The following HERC5 variants were observed in gnomAD, a reference collection of about 807,000 sequenced individuals.
HERC5 encodes E3 ISG15--protein ligase HERC5.
A neutral mutation model predicts 119.6 loss-of-function variants in HERC5; 99 were observed. The ratio of observed to expected loss-of-function variants is 0.83; its 90% confidence interval spans 0.70 to 0.98. The LOEUF (loss-of-function observed/expected upper bound fraction) is 0.98. Among genes scored for constraint, HERC5 ranks in the 50% least tolerant of loss-of-function variants. The pLI is 0.00. For missense variants in HERC5, 1,267 were observed against 1,241.3 expected (o/e 1.02, Z -0.31); for synonymous variants, 478 against 445.9 (o/e 1.07, Z -0.91).
chr4:88,472,209 A>G (rs1201107992), intron 10 of HERC5, among the ~76,000 whole-genome samples, 200 bp from the exon 11 acceptor site: 1 of 152,142 alleles, frequency 6.6e-6, no homozygotes, highest in Non-Finnish European at 1.5e-5. Context: ...CTTATGGTAT[A>G]TACAGTTAAA....
chr4:88,465,341 C>T (rs751454598), intron 6 of HERC5, among the ~76,000 whole-genome samples: 7 of 152,142 alleles, frequency 4.6e-5, no homozygotes, highest in Admixed American at 2.6e-4. Flanking sequence ...CCTCACTAAA[C>T]GTAGAGCAAA....
At position 88,487,090 on chromosome 4, in the gene HERC5, T is replaced by G. The variant is rs376039327; in HGVS notation, c.1873T>G (p.Cys625Gly). The change falls in exon 15 of 23, where the codon TGC (cysteine) becomes GGC (glycine). Residue 625 changes from cysteine to glycine, a missense_variant. Cys to Gly is a radical substitution (Grantham distance 159). This residue lies in a region of HERC5 where 17 missense variants were observed against 37.7 expected (regional missense o/e 0.45). Transcript: ENST00000264350. ...TTAGGACGCTTCAGAAAATGTACAA[T>G]GCTGCGTCATATTCAGTCACTTTCC... ...MTVDASENVQCCVIFSHFPFI... is the reference protein window; with the variant it reads ...MTVDASENVQGCVIFSHFPFI... 11 of 1,611,256 alleles carry G rather than the reference T, an allele frequency of 6.8e-6. No individual in the cohort carries two copies. Among genetic ancestry groups the G allele is most frequent in the Admixed American group, 1.7e-5 (1 of 59,952 alleles).
At chr4:88,457,736 A>G (rs1252678482) in intron 1 of HERC5, among the ~76,000 whole-genome samples, 5 of 152,064 alleles carry the variant, frequency 3.3e-5, no homozygotes, top group Non-Finnish European at 7.4e-5. Context: ...GGTGAGCGGG[A>G]TACTGGCGAC....
chr4:88,464,687 C>T (rs1740585491), intron 6 of HERC5, among the ~76,000 whole-genome samples: 1 of 151,936 alleles, frequency 6.6e-6, no homozygotes, highest in Non-Finnish European at 1.5e-5. Flanking sequence ...CTCCCAGGCT[C>T]AGGTTATTCT....
chr4:88,483,038 T>C (rs1313762473), intron 13 of HERC5, among the ~76,000 whole-genome samples: 2 of 152,170 alleles, frequency 1.3e-5, no homozygotes, highest in Non-Finnish European at 2.9e-5. Context: ...CCAGTCCATA[T>C]ACGTTTTATT....
chr4:88,457,400 G>C lies in HERC5; in HGVS notation c.131G>C (p.Arg44Pro), dbSNP rs1740191292. 7.1e-7 allele frequency: 1 copy of C among 1,398,764 alleles called. No individual in the cohort carries two copies. The highest frequency in any genetic ancestry group is 9.3e-7 in the Non-Finnish European group (1 of 1,078,660). The allele number at this position is 1,398,764 out of a possible 1,614,324, so 86.6% of individuals were successfully genotyped here. A position where few individuals can be genotyped will look rare whatever the true frequency, so the allele number is the denominator to read the frequency against. ...WLFPSAAGLH[R>P]ALLRRVEVTR... The stretch of plus-strand genomic sequence containing the variant: ...TTTCCCAGCGCCGCGGGCCTCCACC[G>C]CGCGCTGCTCCGGAGGGTGGAGGTG... Residue 44 changes from arginine to proline, a missense_variant, in exon 1 of 23, where the codon CGC becomes CCC. Transcript: ENST00000264350.
Position 88,504,597 on chromosome 4 carries a change from GGTAA to G in HERC5, c.2869+4_2869+7del. On this transcript the variant is annotated splice_donor_variant and splice_donor_region_variant and intron_variant, in intron 22 of 22. Transcript: ENST00000264350. LOFTEE classifies it high-confidence loss of function. ...TCTGGAAGAAAAGAAAAAATTCCTT[GGTAA>G]GTATTATATCAAGGAATAGATCTGT... The G allele has an allele frequency of 6.5e-7, 1 of 1,531,438 alleles. No homozygotes were observed. The highest frequency in any genetic ancestry group is 1.3e-5 in the South Asian group (1 of 78,776). The allele number at this position is 1,531,438 out of a possible 1,614,324, so 94.9% of individuals were successfully genotyped here.
chr4:88,472,639 A>AT (rs1178081117), intron 11 of HERC5, 137 bp downstream of exon 11: 25 of 672,054 alleles, frequency 3.7e-5, no homozygotes, highest in Non-Finnish European at 5.6e-5. Flanking sequence ...TTAAACTCAG[A>AT]TAACATTTAG....
At chr4:88,468,888 T>C (rs1283470934) in intron 8 of HERC5, among the ~76,000 whole-genome samples, 1 of 152,240 alleles carries the variant, frequency 6.6e-6, no homozygotes, top group Non-Finnish European at 1.5e-5. Flanking sequence ...GGCTGTCTGA[T>C]GTTCAGTTTA....
intron 1 of HERC5, chr4:88,457,747 C>G: frequency 1.6e-6 from 1 of 641,928 alleles, no homozygotes; most frequent in Non-Finnish European, 2.2e-6. Context: ...TACTGGCGAC[C>G]AGCGGATCCT....
intron 5 of HERC5, 99 bp downstream of exon 5, chr4:88,463,722 T>G: frequency 7.3e-7 from 1 of 1,360,832 alleles, no homozygotes; most frequent in Non-Finnish European, 1.0e-6. Context: ...ACTTCCTGTA[T>G]GTAGGACTGT....
chr4:88,469,034 T>C, intron 8 of HERC5, 123 bp from the exon 9 acceptor site: 1 of 600,302 alleles, frequency 1.7e-6, no homozygotes. Context: ...ACTTTGTGAT[T>C]GTCCCAGGGC....
rs779569050 is a variant in HERC5 at position 88,463,572 on chromosome 4, G to C, written c.729G>C (p.Gln243His). The C allele has an allele frequency of 1.9e-6, 3 of 1,613,844 alleles. No individual in the cohort carries two copies. The highest frequency in any genetic ancestry group is 2.2e-5 in the South Asian group (2 of 91,058). Residue 243 changes from glutamine (Q) to histidine (H), a missense_variant, in exon 5 of 23, where the codon CAG becomes CAC. Gln to His is a conservative substitution (Grantham distance 24). Coordinates refer to ENST00000264350, the MANE Select transcript of HERC5 (RefSeq NM_016323.4). ...CCCTTATTGAAGGACTAGACAATCA[G>C]AAAGTTGAATTTGTCGCTTGTGGTG... ...DPSLIEGLDN[Q>H]KVEFVACGGS... is the part of the protein sequence containing the mutation.
At chr4:88,461,873 A>G (rs192466000) in intron 3 of HERC5, among the ~76,000 whole-genome samples, 11 of 152,246 alleles carry the variant, frequency 7.2e-5, no homozygotes, top group Admixed American at 1.3e-4. Context: ...TTTGATTTAT[A>G]ATCAAATTTA....
In HERC5 at chr4:88,487,087, C is replaced by T. The variant is rs756735015; in HGVS notation, c.1870C>T (p.Gln624Ter). The change falls in exon 15 of 23, where the codon CAA becomes TAA. Residue 624 changes from glutamine to a stop codon, truncating the protein, a stop_gained. Transcript: ENST00000264350. LOFTEE classifies it high-confidence loss of function. ...KMTVDASENV[Q>*]CCVIFSHFPF... ...TTTTTAGGACGCTTCAGAAAATGTACAATGCTGCGTCATATTCAGTCACTT... is the reference window on the plus strand; with the variant it reads ...TTTTTAGGACGCTTCAGAAAATGTATAATGCTGCGTCATATTCAGTCACTT... 1 of 1,609,912 alleles carries T rather than the reference C, an allele frequency of 6.2e-7. No individual in the cohort carries two copies.
chr4:88,490,561 G>A (rs1048835924), intron 16 of HERC5, among the ~76,000 whole-genome samples: 3 of 152,110 alleles, frequency 2.0e-5, no homozygotes, highest in African/African-American at 4.8e-5. Context: ...AAAGCATATT[G>A]CCCCAGACAC....
At chr4:88,480,773 A>G (rs1408335896) in intron 13 of HERC5, among the ~76,000 whole-genome samples, 1 of 152,140 alleles carries the variant, frequency 6.6e-6, no homozygotes, top group Non-Finnish European at 1.5e-5. Context: ...GCACTAGAGC[A>G]TATTTTCATG....
intron 20 of HERC5, among the ~76,000 whole-genome samples, chr4:88,501,822 G>A (rs989087412): frequency 6.6e-6 from 1 of 151,602 alleles, no homozygotes; most frequent in Non-Finnish European, 1.5e-5. Flanking sequence ...CTTTTGAGAT[G>A]GCACCTCGCT....
In HERC5 at chr4:88,496,960, G is replaced by A. The variant is rs527516376; in HGVS notation, c.2444+2629G>A. 1.1e-4 allele frequency among the ~76,000 whole-genome samples: 17 copies of A among 152,160 alleles called. No homozygotes were observed. The South Asian group carries it at 1.7e-3, about 15-fold the overall frequency. On this transcript the variant is annotated intron_variant, in intron 18 of 22. Coordinates refer to ENST00000264350, the MANE Select transcript of HERC5 (RefSeq NM_016323.4). ...GAAAGAGGCCCAAGGGAGCCTGTTC[G>A]CCCCTTCCACCATGAGAGGACACAG...
Sources: allele counts gnomAD v4.1 joint callset (sites outside exome capture counted in the v4.1 genomes callset), GRCh38; gene constraint gnomAD v4.1.1; regional missense constraint gnomAD v4.1.1; transcripts MANE v1.5; gene names NCBI Gene and HGNC (gene_info 2026-07-23, HGNC 2026-07-21).